Variants in SPRED1 observed in about 807,000 individuals in gnomAD.
SPRED1 encodes sprouty related EVH1 domain containing 1, also known as sprouty-related, EVH1 domain-containing protein 1.
SPRED1 carries 18 observed loss-of-function variants against 52.3 expected under a neutral mutation model. The observed-to-expected ratio is 0.34, with a 90% CI of 0.24 to 0.51. SPRED1 has a LOEUF of 0.51. Among genes scored for constraint, SPRED1 ranks in the 20% least tolerant of loss-of-function variants. The pLI, the probability that SPRED1 is intolerant of heterozygous loss-of-function variation, is 0.97. For missense variants in SPRED1, 485 were observed against 551.0 expected (o/e 0.88, Z 1.20); for synonymous variants, 155 against 179.7 (o/e 0.86, Z 1.10).
chr15:38,301,885 T>G (rs368019533), intron 2 of SPRED1, among the ~76,000 whole-genome samples: 8,076 of 144,624 alleles, frequency 0.056, 294 homozygotes, highest in Middle Eastern at 0.091. Context: ...TTTTTTTTTT[T>G]AAAGAAGTAT....
In SPRED1 at chr15:38,351,933, G is replaced by A; in HGVS notation, c.*269G>A. On this transcript the variant is annotated 3_prime_UTR_variant, in exon 7 of 7. Coordinates refer to ENST00000299084, the MANE Select transcript of SPRED1 (RefSeq NM_152594.3). ...GCTATAAAAAGTCAGCATAAAATAT[G>A]ATCCAACTAAAAGGGATTAATTTTT... 1 of 537,812 alleles carries A rather than the reference G, an allele frequency of 1.9e-6. No homozygotes were observed. The highest frequency in any genetic ancestry group is 3.3e-6 in the Non-Finnish European group (1 of 300,942). The allele number at this position is 537,812 out of a possible 1,614,324, so 33.3% of individuals were successfully genotyped here.
Position 38,324,789 on chromosome 15 carries a change from G to C in SPRED1, c.403G>C (p.Glu135Gln), listed in dbSNP as rs1595748136. ...ATGCCCCGAATCAAAAAATGAAGCT[G>C]AAGGGGCAGATGACTTACAAGTAAG... The part of the protein sequence containing the change: ...QGCPESKNEA[E>Q]GADDLQANEE... The change falls in exon 4 of 7, where the codon GAA (glutamate) becomes CAA (glutamine). Residue 135 changes from glutamate (E) to glutamine (Q), a missense_variant. Coordinates refer to ENST00000299084, the MANE Select transcript of SPRED1 (RefSeq NM_152594.3). 2 of 1,611,700 alleles carry C rather than the reference G, an allele frequency of 1.2e-6. No individual in the cohort carries two copies. Among genetic ancestry groups the C allele is most frequent in the Non-Finnish European group, 1.7e-6 (2 of 1,178,930 alleles).
At position 38,355,987 on chromosome 15, in the gene SPRED1, A is replaced by G. The variant is rs1171476274; in HGVS notation, c.*4323A>G. On this transcript the variant is annotated 3_prime_UTR_variant, in exon 7 of 7. Transcript: ENST00000299084. Reference sequence around the variant, plus strand: ...TGCCTAGCAGCCAGGTGGTTATAAAAGATTCATATGCTTTGGTACACTGAT... The same window carrying G: ...TGCCTAGCAGCCAGGTGGTTATAAAGGATTCATATGCTTTGGTACACTGAT... The G allele has an allele frequency of 6.6e-6, 1 of 152,222 alleles. No homozygotes were observed. Among genetic ancestry groups the G allele is most frequent in the Non-Finnish European group, 1.5e-5 (1 of 68,018 alleles). 9.4% of individuals were successfully genotyped at this position (152,222 alleles called of 1,614,324 possible).
At chr15:38,261,174 ATAAAG>A (rs1465271797) in intron 1 of SPRED1, among the ~76,000 whole-genome samples, 9 of 152,264 alleles carry the variant, frequency 5.9e-5, no homozygotes, top group African/African-American at 1.2e-4. Context: ...TCTGCCCATA[ATAAAG>A]TAAATGTTCA....
intron 4 of SPRED1, among the ~76,000 whole-genome samples, chr15:38,327,642 C>T (rs1895731137): frequency 1.3e-5 from 2 of 152,196 alleles, no homozygotes; most frequent in Non-Finnish European, 1.5e-5. Context: ...AGTGAACCAT[C>T]CTGAAAGCAA....
chr15:38,279,188 G>T (rs1474744051), intron 1 of SPRED1, among the ~76,000 whole-genome samples: 5 of 152,194 alleles, frequency 3.3e-5, no homozygotes, highest in Admixed American at 6.5e-5. Context: ...TGTGGATGTG[G>T]TACCCACAAA....
chr15:38,285,924 A>G (rs1213659986), intron 1 of SPRED1, among the ~76,000 whole-genome samples: 2 of 152,166 alleles, frequency 1.3e-5, no homozygotes, highest in African/African-American at 4.8e-5. Flanking sequence ...CTTCTTACTC[A>G]TTCATGCCCT....
chr15:38,289,559 T>C (rs1245167582), intron 1 of SPRED1, among the ~76,000 whole-genome samples: 1 of 152,148 alleles, frequency 6.6e-6, no homozygotes, highest in East Asian at 1.9e-4. Flanking sequence ...TATAGGGAGA[T>C]TATCCTGGAT....
chr15:38,289,259 A>G (rs189530047), intron 1 of SPRED1, among the ~76,000 whole-genome samples: 3 of 151,188 alleles, frequency 2.0e-5, no homozygotes, highest in Non-Finnish European at 2.9e-5. Context: ...TTTAATTTGC[A>G]TTCCTCTTAT....
At chr15:38,294,868 T>C (rs72709702) in intron 1 of SPRED1, among the ~76,000 whole-genome samples, 13,821 of 152,188 alleles carry the variant, frequency 0.091, 759 homozygotes, top group East Asian at 0.21. Context: ...CTGAAGAAAA[T>C]ATATATGTGG....
chr15:38,303,179 TG>T (rs1467130698), intron 2 of SPRED1, among the ~76,000 whole-genome samples: 1 of 145,146 alleles, frequency 6.9e-6, no homozygotes, highest in East Asian at 2.5e-4. Flanking sequence ...AGCGAGACTC[TG>T]TCTCAAAAAA....
intron 4 of SPRED1, among the ~76,000 whole-genome samples, chr15:38,334,875 G>T (rs1266610309): frequency 8.8e-6 from 1 of 113,192 alleles, no homozygotes; most frequent in Admixed American, 1.0e-4. Flanking sequence ...TAGAAATGCT[G>T]GGTCAAAAAG....
chr15:38,280,725 C>A lies in SPRED1; in HGVS notation c.33-18648C>A, dbSNP rs75423106. ...TAATCAAAAGCCCTTGTTTGCCAAA[C>A]CACAATTTAGAATGAATGAGTAGAA... On this transcript the variant is annotated intron_variant, in intron 1 of 6. Transcript: ENST00000299084. 6.7e-3 allele frequency among the ~76,000 whole-genome samples: 1,018 copies of A among 152,188 alleles called. 29 individuals are homozygous for A. The East Asian group carries it at 0.087, about 13-fold the overall frequency.
chr15:38,317,473 G>A (rs1481486535), intron 2 of SPRED1, among the ~76,000 whole-genome samples: 3 of 151,880 alleles, frequency 2.0e-5, no homozygotes, highest in Non-Finnish European at 4.4e-5. Context: ...TGTCAAAGAT[G>A]TAATTGCTAT....
At chr15:38,331,293 G>C (rs1895801477) in intron 4 of SPRED1, among the ~76,000 whole-genome samples, 1 of 152,022 alleles carries the variant, frequency 6.6e-6, no homozygotes, top group Admixed American at 6.6e-5. Flanking sequence ...TTTTAAGCTA[G>C]AGGTCATGCC....
chr15:38,348,074 T>C (rs1032257088), intron 5 of SPRED1, among the ~76,000 whole-genome samples: 6 of 152,002 alleles, frequency 3.9e-5, no homozygotes, highest in Non-Finnish European at 7.4e-5. Flanking sequence ...GGTGAGAAAA[T>C]TGACATTTTT....
chr15:38,291,179 G>A (rs1894915814), intron 1 of SPRED1, among the ~76,000 whole-genome samples: 1 of 152,190 alleles, frequency 6.6e-6, no homozygotes, highest in African/African-American at 2.4e-5. Flanking sequence ...ATCCAGTGGG[G>A]CAGTCAAATT....
At chr15:38,270,499 C>T (rs1418143317) in intron 1 of SPRED1, among the ~76,000 whole-genome samples, 1 of 152,128 alleles carries the variant, frequency 6.6e-6, no homozygotes, top group Non-Finnish European at 1.5e-5. Flanking sequence ...GTAGGCTATA[C>T]AGGAAGCTTG....
intron 1 of SPRED1, among the ~76,000 whole-genome samples, chr15:38,270,694 C>G (rs556404339): frequency 3.3e-5 from 5 of 152,296 alleles, no homozygotes; most frequent in Admixed American, 3.3e-4. Flanking sequence ...ATGGGGATTA[C>G]ATACTCGACC....
Sources: allele counts gnomAD v4.1 joint callset (sites outside exome capture counted in the v4.1 genomes callset), GRCh38; gene constraint gnomAD v4.1.1; transcripts MANE v1.5; gene names NCBI Gene and HGNC (gene_info 2026-07-23, HGNC 2026-07-21).